TGM3: variants seen among roughly 807,000 people sequenced by gnomAD.
TGM3 encodes transglutaminase 3.
A neutral mutation model predicts 73.8 loss-of-function variants in TGM3; 52 were observed. That is an observed-to-expected ratio of 0.70 (90% CI 0.56 to 0.89). The LOEUF (loss-of-function observed/expected upper bound fraction) is 0.89. TGM3 is among the 40% of genes least tolerant of loss of function. The probability of loss-of-function intolerance (pLI) is 0.00; values close to 1 mark genes in which losing one functional copy is unlikely to be tolerated. For synonymous variants in TGM3, 372 were observed against 354.9 expected (o/e 1.05, Z -0.54); for missense variants, 928 against 909.9 (o/e 1.02, Z -0.26).
rs2084214487 is a variant in TGM3 at position 2,312,928 on chromosome 20, T to A, written c.571T>A (p.Ser191Thr). 6.2e-7 allele frequency: 1 copy of A among 1,614,208 alleles called. No homozygotes were observed. Among genetic ancestry groups the A allele is most frequent in the Non-Finnish European group, 8.5e-7 (1 of 1,180,044 alleles). The change falls in exon 5 of 13, where the codon TCA (serine) becomes ACA (threonine). Residue 191 changes from serine (S) to threonine (T), a missense_variant. Physicochemically the swap from Ser to Thr is moderately conservative, Grantham distance 58. Transcript: ENST00000381458. Reference protein sequence around the residue: ...FEEDILSICLSILDRSLNFRR... With the variant: ...FEEDILSICLTILDRSLNFRR... Reference sequence around the variant, plus strand: ...AGAAGACATTCTCAGCATCTGCCTCTCAATCTTGGATAGGAGTCTGAATTT... The same window carrying A: ...AGAAGACATTCTCAGCATCTGCCTCACAATCTTGGATAGGAGTCTGAATTT...
Position 2,332,873 on chromosome 20 carries a change from C to T in TGM3, c.1642+563C>T, listed in dbSNP as rs1163726174. Among the ~76,000 whole-genome samples, 2 of 152,198 alleles carry T rather than the reference C, an allele frequency of 1.3e-5. No individual in the cohort carries two copies. Among genetic ancestry groups the T allele is most frequent in the Admixed American group, 6.6e-5 (1 of 15,266 alleles). On this transcript the variant is annotated intron_variant, in intron 10 of 12. Coordinates refer to ENST00000381458, the MANE Select transcript of TGM3 (RefSeq NM_003245.4). The surrounding 1 kb of genome is among the most constrained non-coding windows in gnomAD (Gnocchi z 4.4). ...GACCTCAGGAGGGTGGCAATGACCACGGGACCCTAAACCTTGGCCCATGGC... is the reference window on the plus strand; with the variant it reads ...GACCTCAGGAGGGTGGCAATGACCATGGGACCCTAAACCTTGGCCCATGGC...
At chr20:2,340,062 G>GC in intron 12 of TGM3, 75 bp downstream of exon 12, 7 of 1,484,908 alleles carry the variant, frequency 4.7e-6, no homozygotes, top group Non-Finnish European at 6.4e-6. Flanking sequence ...CCCTGGGTGG[G>GC]ACAGACAGAG....
chr20:2,326,788 G>A (rs996757792), intron 8 of TGM3, among the ~76,000 whole-genome samples: 1 of 152,008 alleles, frequency 6.6e-6, no homozygotes, highest in African/African-American at 2.4e-5. Flanking sequence ...CGGAGGTAAA[G>A]CCGTGAGCCG....
At chr20:2,317,848 T>G (rs1026177557) in intron 7 of TGM3, among the ~76,000 whole-genome samples, 8 of 151,708 alleles carry the variant, frequency 5.3e-5, no homozygotes, top group Non-Finnish European at 7.4e-5. Flanking sequence ...TATACATTTG[T>G]TTCATTTCAA....
intron 7 of TGM3, among the ~76,000 whole-genome samples, chr20:2,324,369 T>C (rs1196380215): frequency 1.3e-5 from 2 of 152,234 alleles, no homozygotes; most frequent in African/African-American, 2.4e-5. Flanking sequence ...ATGGTGGGTT[T>C]CTGTGGATTA....
At chr20:2,336,028 C>G (rs2084349034) in intron 11 of TGM3, among the ~76,000 whole-genome samples, 1 of 152,236 alleles carries the variant, frequency 6.6e-6, no homozygotes. Context: ...GAACAAAGAC[C>G]CCTCTTTCTC....
chr20:2,309,163 G>A (rs1600694145), intron 1 of TGM3, among the ~76,000 whole-genome samples: 2 of 152,356 alleles, frequency 1.3e-5, no homozygotes, highest in South Asian at 4.1e-4. Context: ...ACTGGCGTGA[G>A]CCACCACACC....
Position 2,334,608 on chromosome 20 carries a change from G to A in TGM3, c.1643-508G>A, listed in dbSNP as rs929228311. 3.9e-5 allele frequency among the ~76,000 whole-genome samples: 6 copies of A among 152,236 alleles called. No homozygotes were observed. The highest frequency in any genetic ancestry group is 1.4e-4 in the African/African-American group (6 of 41,548). On this transcript the variant is annotated intron_variant, in intron 10 of 12. Coordinates refer to ENST00000381458, the MANE Select transcript of TGM3 (RefSeq NM_003245.4). The surrounding 1 kb of genome is among the most constrained non-coding windows in gnomAD (Gnocchi z 4.0). ...TGTTACTGTCATGATTGCTACTGTT[G>A]TTGGCAATCAGGTGGCATTTGTATT...
At chr20:2,312,617 T>C (rs1302502454) in intron 4 of TGM3, among the ~76,000 whole-genome samples, 3 of 152,138 alleles carry the variant, frequency 2.0e-5, no homozygotes, top group Non-Finnish European at 4.4e-5. Flanking sequence ...TTATTTTTAA[T>C]AATTTTTTAT....
At chr20:2,305,445 C>A (rs45568135) in intron 1 of TGM3, among the ~76,000 whole-genome samples, 2,925 of 152,344 alleles carry the variant, frequency 0.019, 95 homozygotes, top group African/African-American at 0.067. Context: ...GGTTCAGGAT[C>A]CTGGCTCTGC....
chr20:2,305,527 C>T (rs1259773487), intron 1 of TGM3, among the ~76,000 whole-genome samples: 1 of 152,180 alleles, frequency 6.6e-6, no homozygotes, highest in Non-Finnish European at 1.5e-5. Context: ...TGTAAGATTT[C>T]ACTGACCACA....
chr20:2,317,013 C>A, intron 5 of TGM3, 55 bp from the exon 6 acceptor site: 1 of 1,582,338 alleles, frequency 6.3e-7, no homozygotes, highest in Non-Finnish European at 8.7e-7. Flanking sequence ...GCATGTCAGT[C>A]TCCCTAGGAA....
intron 1 of TGM3, among the ~76,000 whole-genome samples, chr20:2,308,557 T>C (rs956894262): frequency 2.0e-5 from 3 of 152,154 alleles, no homozygotes; most frequent in Admixed American, 2.0e-4. Flanking sequence ...TGTCCTCGGG[T>C]CTTATCCAGG....
At position 2,339,970 on chromosome 20, in the gene TGM3, G is replaced by T. The variant is rs1278461586; in HGVS notation, c.1917G>T (p.Leu639Phe). 3 of 1,584,368 alleles carry T rather than the reference G, an allele frequency of 1.9e-6. No homozygotes were observed. In the South Asian group the frequency reaches 3.3e-5, roughly 18 times the overall value. Residue 639 changes from leucine (L) to phenylalanine (F), a missense_variant, in exon 12 of 13, where the codon TTG (leucine) becomes TTT (phenylalanine). Coordinates refer to ENST00000381458, the MANE Select transcript of TGM3 (RefSeq NM_003245.4). ...TGGTGGAGGGAAGCGGCCTGCTGTT[G>T]GGTAACCTGAAGATCGAGTGAGTCC... is the stretch of plus-strand genomic sequence containing the variant. ...VLMVEGSGLLLGNLKIDVPTL... is the reference protein window; with the variant it reads ...VLMVEGSGLLFGNLKIDVPTL...
At chr20:2,314,939 G>C (rs2084225336) in intron 5 of TGM3, among the ~76,000 whole-genome samples, 1 of 152,154 alleles carries the variant, frequency 6.6e-6, no homozygotes, top group South Asian at 2.1e-4. Context: ...TAAATATCCG[G>C]GGTGCATCTG....
In TGM3 at chr20:2,339,762, C is replaced by G. The variant is rs45482797; in HGVS notation, c.1801-92C>G. ...TTCTTCATCCTCAGTGACATCACCC[C>G]CTTCACTCAGTCACCCTGCCCAGCC... On this transcript the variant is annotated intron_variant, in intron 11 of 12. Transcript: ENST00000381458. The G allele has an allele frequency of 5.8e-6, 9 of 1,554,644 alleles. No individual in the cohort carries two copies. In the African/African-American group the frequency reaches 1.2e-4, roughly 21 times the overall value.
chr20:2,328,458 C>T lies in TGM3; in HGVS notation c.1333+93C>T, dbSNP rs1351776449. 2.2e-5 allele frequency: 33 copies of T among 1,523,572 alleles called. No individual in the cohort carries two copies. The highest frequency in any genetic ancestry group is 5.4e-5 in the African/African-American group (4 of 73,476). The allele number at this position is 1,523,572 out of a possible 1,614,324, so 94.4% of individuals were successfully genotyped here. On this transcript the variant is annotated intron_variant, in intron 9 of 12. Coordinates refer to ENST00000381458, the MANE Select transcript of TGM3 (RefSeq NM_003245.4). The surrounding 1 kb of genome is among the most constrained non-coding windows in gnomAD (Gnocchi z 5.2). ...AGAGGAGAAAAGTCCTCACCTCCCC[C>T]GCACTGGCAGCCAGTTCTGCCTGAA...
Position 2,325,898 on chromosome 20 carries a change from C to G in TGM3, c.1033C>G (p.Pro345Ala). 3 of 1,590,756 alleles carry G rather than the reference C, an allele frequency of 1.9e-6. No homozygotes were observed. The highest frequency in any genetic ancestry group is 2.6e-6 in the Non-Finnish European group (3 of 1,167,542). The change falls in exon 8 of 13, where the codon CCC becomes GCC. Residue 345 changes from proline to alanine, a missense_variant. Physicochemically the swap from Pro to Ala is conservative, Grantham distance 27. Transcript: ENST00000381458. ...CTGGTTTGTGAGGTCTGACCTGGGC[C>G]CCTCGTACGGTGGATGGCAGGTGTT... ...EGWFVRSDLG[P>A]SYGGWQVLDA...
chr20:2,313,648 C>CAT (rs1479046339), intron 5 of TGM3, among the ~76,000 whole-genome samples: 1 of 104,266 alleles, frequency 9.6e-6, no homozygotes, highest in Non-Finnish European at 2.4e-5. Flanking sequence ...CACAATCACA[C>CAT]ACACTCTCTC....
Sources: gnomAD v4.1 joint callset for allele counts (sites outside exome capture counted in the v4.1 genomes callset) on GRCh38, gnomAD v4.1.1 for gene constraint, Gnocchi (gnomAD v3.1) non-coding constraint, MANE v1.5 for transcripts, NCBI Gene and HGNC (gene_info 2026-07-23, HGNC 2026-07-21) for gene names.